PDE11A: variants seen among roughly 807,000 people sequenced by gnomAD.
PDE11A encodes the protein dual 3',5'-cyclic-AMP and -GMP phosphodiesterase 11A.
In PDE11A, 100 loss-of-function variants were observed where a neutral mutation model predicts 100.5. The observed-to-expected ratio is 1.00, with a 90% CI of 0.85 to 1.18. PDE11A has a LOEUF of 1.18. Among genes scored for constraint, PDE11A ranks in the 50% most tolerant of loss-of-function variants. The pLI, the probability that PDE11A is intolerant of heterozygous loss-of-function variation, is 0.00. For missense variants in PDE11A, 1,141 were observed against 1,152.6 expected (o/e 0.99, Z 0.15); for synonymous variants, 381 against 420.8 (o/e 0.91, Z 1.16).
chr2:177,823,768 C>T (rs892501842), intron 6 of PDE11A, among the ~76,000 whole-genome samples: 25 of 152,186 alleles, frequency 1.6e-4, no homozygotes, highest in African/African-American at 6.0e-4. Flanking sequence ...AGGCTAGCCA[C>T]AGCAGCACTA....
At chr2:177,857,369 G>A (rs966209619) in intron 5 of PDE11A, among the ~76,000 whole-genome samples, 13 of 151,844 alleles carry the variant, frequency 8.6e-5, no homozygotes, top group Non-Finnish European at 1.5e-4. Context: ...AAAGAGAACC[G>A]ATAAAGAAAA....
intron 19 of PDE11A, among the ~76,000 whole-genome samples, chr2:177,646,258 A>G (rs536615667): frequency 1.3e-5 from 2 of 152,180 alleles, no homozygotes; most frequent in Non-Finnish European, 2.9e-5. Flanking sequence ...AATTTTAAAA[A>G]CTGTATTCAA....
At chr2:178,096,330 ATTTTT>A (rs35631942) in intron 2 of PDE11A, among the ~76,000 whole-genome samples, 1 of 137,536 alleles carries the variant, frequency 7.3e-6, no homozygotes, top group African/African-American at 2.7e-5. Flanking sequence ...AGCCCAGCTA[ATTTTT>A]TTTTTTTTTT....
chr2:177,951,229 C>G (rs2085501213), intron 2 of PDE11A, among the ~76,000 whole-genome samples: 1 of 152,144 alleles, frequency 6.6e-6, no homozygotes, highest in Non-Finnish European at 1.5e-5. Flanking sequence ...CCAGGTGTCC[C>G]TATGGTCTAA....
intron 18 of PDE11A, among the ~76,000 whole-genome samples, chr2:177,666,006 A>G (rs1049663997): frequency 6.6e-6 from 1 of 152,202 alleles, no homozygotes; most frequent in African/African-American, 2.4e-5. Context: ...AAAGTTGAGC[A>G]ACTATCACTA....
intron 19 of PDE11A, among the ~76,000 whole-genome samples, chr2:177,631,291 CAAAA>C (rs869059416): frequency 9.3e-4 from 11 of 11,858 alleles, no homozygotes; most frequent in African/African-American, 2.2e-3. Flanking sequence ...ACTAAAAATG[CAAAA>C]AAAAAAAAAA....
intron 9 of PDE11A, among the ~76,000 whole-genome samples, chr2:177,815,261 T>C (rs1451760276): frequency 7.7e-6 from 1 of 130,576 alleles, no homozygotes. Flanking sequence ...AATAATAGTA[T>C]TATTGCTATG....
At chr2:177,838,217 G>T (rs904921619) in intron 6 of PDE11A, among the ~76,000 whole-genome samples, 1 of 152,126 alleles carries the variant, frequency 6.6e-6, no homozygotes. Context: ...ATACCTGTTT[G>T]TTAGGCCCTA....
chr2:178,031,240 A>T (rs1273822976), intron 1 of PDE11A, among the ~76,000 whole-genome samples: 1 of 152,228 alleles, frequency 6.6e-6, no homozygotes, highest in Non-Finnish European at 1.5e-5. Context: ...ATACCTAATG[A>T]TTAAACTGAA....
chr2:177,627,892 G>A lies in PDE11A; in HGVS notation c.*1515C>T, dbSNP rs2079860525. On this transcript the variant is annotated 3_prime_UTR_variant, in exon 20 of 20. Coordinates refer to ENST00000286063, the MANE Select transcript of PDE11A (RefSeq NM_016953.4). ...AAACAAAAACAATAACAAGAAAAAT[G>A]GTTTGTAAATTTCAGATTTTTTTAA... is the stretch of plus-strand genomic sequence containing the variant. 1 of 152,058 alleles carries A rather than the reference G, an allele frequency of 6.6e-6. No individual in the cohort carries two copies. Among genetic ancestry groups the A allele is most frequent in the Admixed American group, 6.5e-5 (1 of 15,270 alleles). 9.4% of individuals were successfully genotyped at this position (152,058 alleles called of 1,614,324 possible).
chr2:177,970,076 T>C (rs2085750991), intron 2 of PDE11A, among the ~76,000 whole-genome samples: 1 of 152,184 alleles, frequency 6.6e-6, no homozygotes, highest in Admixed American at 6.5e-5. Context: ...GCTGGGAATA[T>C]GCATTTCGAG....
At chr2:177,968,180 C>G (rs2085722613) in intron 2 of PDE11A, among the ~76,000 whole-genome samples, 1 of 152,082 alleles carries the variant, frequency 6.6e-6, no homozygotes, top group Non-Finnish European at 1.5e-5. Context: ...AACAAACAAA[C>G]AACAACAAAA....
At chr2:177,888,912 A>G (rs956410276) in intron 4 of PDE11A, 8 of 152,244 alleles carry the variant, frequency 5.3e-5, no homozygotes, top group African/African-American at 1.7e-4. Context: ...GTTATGGTTT[A>G]CAATATAAGG....
intron 5 of PDE11A, among the ~76,000 whole-genome samples, chr2:177,844,526 T>G (rs1354236215): frequency 6.6e-6 from 1 of 151,808 alleles, no homozygotes; most frequent in Non-Finnish European, 1.5e-5. Context: ...CCTTTTTTTT[T>G]TTTAATTAAT....
At chr2:178,087,560 C>T (rs535232991) in intron 2 of PDE11A, among the ~76,000 whole-genome samples, 4 of 152,030 alleles carry the variant, frequency 2.6e-5, no homozygotes, top group Admixed American at 6.6e-5. Context: ...TGTGAAATGA[C>T]AGACAAAGGA....
rs139021427 is a variant in PDE11A at position 177,855,848 on chromosome 2, C to T, written c.1368-15465G>A. Among the ~76,000 whole-genome samples the T allele has an allele frequency of 3.4e-3, 510 of 151,496 alleles. 5 individuals are homozygous for T. The highest frequency in any genetic ancestry group is 5.3e-3 in the Non-Finnish European group (361 of 67,858). On this transcript the variant is annotated intron_variant, in intron 5 of 19. Coordinates refer to ENST00000286063, the MANE Select transcript of PDE11A (RefSeq NM_016953.4). ...ATGAGATAAGCTTGGGAATGAGATGCTCCCAGAAGGCTTTGAAAAGCTTGT... is the reference window on the plus strand; with the variant it reads ...ATGAGATAAGCTTGGGAATGAGATGTTCCCAGAAGGCTTTGAAAAGCTTGT...
Position 178,071,744 on chromosome 2 carries a change from T to C in PDE11A, c.694A>G (p.Met232Val), listed in dbSNP as rs1203151524. ...SYKILIFVCL[M>V]VDADRCSLFL... The stretch of plus-strand genomic sequence containing the variant: ...AGAGAGCAGCGGTCAGCATCCACCA[T>C]AAGGCAGACAAAGATGAGAATCTTG... The change falls in exon 1 of 20, where the codon ATG (methionine) becomes GTG (valine). Residue 232 changes from methionine to valine, a missense_variant. By Grantham distance (21) the Met-to-Val change is conservative. Coordinates refer to ENST00000286063, the MANE Select transcript of PDE11A (RefSeq NM_016953.4). 1 of 1,614,096 alleles carries C rather than the reference T, an allele frequency of 6.2e-7. No homozygotes were observed.
chr2:177,820,271 T>A lies in PDE11A; in HGVS notation c.1525A>T (p.Ile509Leu). ...AEADQISGFHIRSVLCVPIWN... is the reference protein window; with the variant it reads ...AEADQISGFHLRSVLCVPIWN... ...ATAGGGACACAAAGAACAGATCTTA[T>A]GTGAAAACCAGATATCTGGTCTGCC... The change falls in exon 7 of 20, where the codon ATA becomes TTA. Residue 509 changes from isoleucine to leucine, a missense_variant. Coordinates refer to ENST00000286063, the MANE Select transcript of PDE11A (RefSeq NM_016953.4). 1 of 1,590,698 alleles carries A rather than the reference T, an allele frequency of 6.3e-7. No individual in the cohort carries two copies. The highest frequency in any genetic ancestry group is 8.6e-7 in the Non-Finnish European group (1 of 1,159,070).
chr2:177,792,709 C>T (rs892830198), intron 9 of PDE11A, among the ~76,000 whole-genome samples: 1 of 152,178 alleles, frequency 6.6e-6, no homozygotes, highest in African/African-American at 2.4e-5. Flanking sequence ...AATTTCCAAT[C>T]TGTCTGGACC....
Sources: gnomAD v4.1 joint callset for allele counts (sites outside exome capture counted in the v4.1 genomes callset) on GRCh38, gnomAD v4.1.1 for gene constraint, MANE v1.5 for transcripts, NCBI Gene and HGNC (gene_info 2026-07-23, HGNC 2026-07-21) for gene names.